CFAP157: variants seen among roughly 807,000 people sequenced by gnomAD.
CFAP157 encodes cilia- and flagella-associated protein 157.
In CFAP157, 43 loss-of-function variants were observed where a neutral mutation model predicts 57.8. The observed-to-expected ratio is 0.74, with a 90% confidence interval of 0.58 to 0.96. CFAP157 has a LOEUF of 0.96. Among genes scored for constraint, CFAP157 ranks in the 40% least tolerant of loss-of-function variants. The pLI is 0.00. For synonymous variants in CFAP157, 267 were observed against 269.0 expected (o/e 0.99, Z 0.07); for missense variants, 606 against 655.3 (o/e 0.92, Z 0.82).
rs1398153727 is a variant in CFAP157, at chr9:127,713,039, C to T, written c.1324C>T (p.Pro442Ser). 1 of 1,613,636 alleles carries T rather than the reference C, an allele frequency of 6.2e-7. No homozygotes were observed. The highest frequency in any genetic ancestry group is 1.7e-5 in the Admixed American group (1 of 59,986). The change falls in exon 8 of 9, where the codon CCC becomes TCC. Residue 442 changes from proline to serine, a missense_variant. Coordinates refer to ENST00000373295, the MANE Select transcript of CFAP157 (RefSeq NM_001012502.3). ...PKESRPSIQL[P>S]RTGSLLPQLS... ...CCACAGCCGGCCCAGCATCCAGCTG[C>T]CCAGGACTGGGTCTCTGCTGCCGCA... is the stretch of plus-strand genomic sequence containing the variant.
chr9:127,713,462 C>T, intron 8 of CFAP157: 1 of 472,230 alleles, frequency 2.1e-6, no homozygotes, highest in Non-Finnish European at 3.7e-6. Flanking sequence ...TGGGATCCCC[C>T]TGAAGAGGCC....
chr9:127,715,721 A>G lies in CFAP157; in HGVS notation c.*1816A>G, dbSNP rs1564372473. 2.6e-6 allele frequency: 4 copies of G among 1,552,236 alleles called. No homozygotes were observed. The highest frequency in any genetic ancestry group is 1.7e-4 in the Middle Eastern group (1 of 6,006). On this transcript the variant is annotated 3_prime_UTR_variant, in exon 9 of 9. Coordinates refer to ENST00000373295, the MANE Select transcript of CFAP157 (RefSeq NM_001012502.3). The surrounding 1 kb of genome is among the most constrained non-coding windows in gnomAD (Gnocchi z 5.8). ...TCGTGTTGCCAACTGTTTGGCGTCC[A>G]CCGCCAACGTCCAATCCGGGCCGGG...
intron 1 of CFAP157, among the ~76,000 whole-genome samples, chr9:127,707,774 G>A (rs79326634): frequency 1.1e-4 from 17 of 152,312 alleles, no homozygotes; most frequent in East Asian, 5.8e-4. Flanking sequence ...TCACCTGCCC[G>A]TCATTTTCTT....
At chr9:127,707,298 T>C (rs575781726) in intron 1 of CFAP157, 106 bp downstream of exon 1, 111 of 1,221,810 alleles carry the variant, frequency 9.1e-5, no homozygotes, top group Non-Finnish European at 1.2e-4. Context: ...TGTTCTGACC[T>C]CCCCTGGGAT....
At position 127,714,560 on chromosome 9, in the gene CFAP157, G is replaced by A; in HGVS notation, c.*655G>A. The A allele has an allele frequency of 6.3e-7, 1 of 1,599,586 alleles. No individual in the cohort carries two copies. Among genetic ancestry groups the A allele is most frequent in the Non-Finnish European group, 8.6e-7 (1 of 1,167,292 alleles). Reference sequence around the variant, plus strand: ...CAGCCCTACTCCACCCCAACTGGGAGGCCTGAAGCCCTATCCCAACCCTGA... The same window carrying A: ...CAGCCCTACTCCACCCCAACTGGGAAGCCTGAAGCCCTATCCCAACCCTGA... On this transcript the variant is annotated 3_prime_UTR_variant, in exon 9 of 9. Coordinates refer to ENST00000373295, the MANE Select transcript of CFAP157 (RefSeq NM_001012502.3).
chr9:127,712,285 A>G lies in CFAP157; in HGVS notation c.1073A>G (p.Lys358Arg). Reference protein sequence around the residue: ...RLQQELANEQKVRASLEAALV... With the variant: ...RLQQELANEQRVRASLEAALV... ...CAGCAGGAACTGGCTAATGAGCAGA[A>G]GGTTCGGGCCAGCCTGGAGGCGGCT... The change falls in exon 6 of 9, where the codon AAG becomes AGG. Residue 358 changes from lysine to arginine, a missense_variant. Coordinates refer to ENST00000373295, the MANE Select transcript of CFAP157 (RefSeq NM_001012502.3). 6.2e-7 allele frequency: 1 copy of G among 1,614,048 alleles called. No individual in the cohort carries two copies. Among genetic ancestry groups the G allele is most frequent in the Non-Finnish European group, 8.5e-7 (1 of 1,179,996 alleles).
rs774434087 is a variant in CFAP157, at chr9:127,712,698, C to T, written c.1138-11C>T. 3 of 1,614,012 alleles carry T rather than the reference C, an allele frequency of 1.9e-6. No individual in the cohort carries two copies. In the Admixed American group the frequency reaches 5.0e-5, roughly 27 times the overall value. ...ACTGTGGGCCTGCTGCCACCCCACC[C>T]TCACCAACAGATGCACCGCGATGAA... On this transcript the variant is annotated splice_polypyrimidine_tract_variant and intron_variant, in intron 6 of 8. Coordinates refer to ENST00000373295, the MANE Select transcript of CFAP157 (RefSeq NM_001012502.3).
In CFAP157 at chr9:127,715,404, A is replaced by C; in HGVS notation, c.*1499A>C. ...CCTAGTGCAGGAACGGAGCTTCAAG[A>C]AGTTTGGAGCCCGTCGAGCACTGAA... On this transcript the variant is annotated 3_prime_UTR_variant, in exon 9 of 9. Transcript: ENST00000373295. The surrounding 1 kb of genome is among the most constrained non-coding windows in gnomAD (Gnocchi z 5.8). 7.4e-7 allele frequency: 1 copy of C among 1,346,052 alleles called. No homozygotes were observed. Among genetic ancestry groups the C allele is most frequent in the Non-Finnish European group, 1.0e-6 (1 of 968,158 alleles). The allele number at this position is 1,346,052 out of a possible 1,614,324, so 83.4% of individuals were successfully genotyped here.
Position 127,715,069 on chromosome 9 carries a change from G to C in CFAP157, c.*1164G>C. On this transcript the variant is annotated 3_prime_UTR_variant, in exon 9 of 9. Transcript: ENST00000373295. The surrounding 1 kb of genome is among the most constrained non-coding windows in gnomAD (Gnocchi z 5.8). ...CCCCCAGCGGGGCCAGGGCGAGGTC[G>C]GCGGCACAGTGCCGGTCGCGCGTCC... 6.5e-7 allele frequency: 1 copy of C among 1,528,768 alleles called. No individual in the cohort carries two copies. The highest frequency in any genetic ancestry group is 1.2e-5 in the South Asian group (1 of 83,416). The allele number at this position is 1,528,768 out of a possible 1,614,324, so 94.7% of individuals were successfully genotyped here.
Position 127,711,575 on chromosome 9 carries a change from CA to C in CFAP157, c.855+80del, listed in dbSNP as rs1383519205. ...CCTGGGGGCCCTGCAGGGGTAGAGT[CA>C]GGGGCAGTCAAGTCAGGAGGGAGGG... On this transcript the variant is annotated intron_variant, in intron 4 of 8. Transcript: ENST00000373295. The C allele has an allele frequency of 3.3e-6, 5 of 1,527,604 alleles. No homozygotes were observed. In the African/African-American group the frequency reaches 6.9e-5, roughly 21 times the overall value. 94.6% of individuals were successfully genotyped at this position (1,527,604 alleles called of 1,614,324 possible). A position where few individuals can be genotyped will look rare whatever the true frequency, so the allele number is the denominator to read the frequency against.
chr9:127,714,247 C>T lies in CFAP157; in HGVS notation c.*342C>T, dbSNP rs779880867. On this transcript the variant is annotated 3_prime_UTR_variant, in exon 9 of 9. Transcript: ENST00000373295. ...GGGCCTGAACCGCCTCAGGGTGCGC[C>T]GGGCGCCCGATACCCACCCGCAGCC... 33 of 1,613,942 alleles carry T rather than the reference C, an allele frequency of 2.0e-5. No homozygotes were observed. The South Asian group carries it at 3.2e-4, about 16-fold the overall frequency.
At chr9:127,710,411 G>A (rs747905607) in intron 2 of CFAP157, among the ~76,000 whole-genome samples, 190 bp from the exon 3 acceptor site, 3 of 152,202 alleles carry the variant, frequency 2.0e-5, no homozygotes, top group Non-Finnish European at 4.4e-5. Context: ...GTGGAGGGAG[G>A]GCAACCCAGA....
In CFAP157 at chr9:127,715,750, C is replaced by T. The variant is rs1842963709; in HGVS notation, c.*1845C>T. ...CCAACGTCCAATCCGGGCCGGGCTA[C>T]GTGGCCGCCATGCTTCTGAGGGGCG... On this transcript the variant is annotated 3_prime_UTR_variant, in exon 9 of 9. Transcript: ENST00000373295. The surrounding 1 kb of genome is among the most constrained non-coding windows in gnomAD (Gnocchi z 5.8). The T allele has an allele frequency of 1.3e-6, 2 of 1,532,594 alleles. No individual in the cohort carries two copies. Among genetic ancestry groups the T allele is most frequent in the Admixed American group, 2.1e-5 (1 of 48,636 alleles). 94.9% of individuals were successfully genotyped at this position (1,532,594 alleles called of 1,614,324 possible). A position where few individuals can be genotyped will look rare whatever the true frequency, so the allele number is the denominator to read the frequency against.
chr9:127,711,738 A>G, intron 4 of CFAP157, 82 bp from the exon 5 acceptor site: 1 of 1,470,432 alleles, frequency 6.8e-7, no homozygotes, highest in Non-Finnish European at 9.2e-7. Flanking sequence ...CGCTCTGCAT[A>G]GGGGAACACG....
At chr9:127,708,940 G>A (rs1435261811) in intron 1 of CFAP157, among the ~76,000 whole-genome samples, 1 of 152,274 alleles carries the variant, frequency 6.6e-6, no homozygotes, top group African/African-American at 2.4e-5. Flanking sequence ...AGCAGGCATT[G>A]TGGCTAAGAG....
chr9:127,715,644 C>A lies in CFAP157; in HGVS notation c.*1739C>A. ...CAAAAAGCCGCCCGGCCTCATGCTGCCCCCATTCACTCCGACACCGCCCCC... is the reference window on the plus strand; with the variant it reads ...CAAAAAGCCGCCCGGCCTCATGCTGACCCCATTCACTCCGACACCGCCCCC... On this transcript the variant is annotated 3_prime_UTR_variant, in exon 9 of 9. Coordinates refer to ENST00000373295, the MANE Select transcript of CFAP157 (RefSeq NM_001012502.3). The surrounding 1 kb of genome is among the most constrained non-coding windows in gnomAD (Gnocchi z 5.8). The A allele has an allele frequency of 6.2e-7, 1 of 1,610,794 alleles. No individual in the cohort carries two copies. Among genetic ancestry groups the A allele is most frequent in the South Asian group, 1.1e-5 (1 of 90,964 alleles).
rs765405772 is a variant in CFAP157, at chr9:127,715,491, C to G, written c.*1586C>G. On this transcript the variant is annotated 3_prime_UTR_variant, in exon 9 of 9. Transcript: ENST00000373295. This position sits in a 1 kb window ranked among gnomAD's most constrained non-coding sequence, Gnocchi z 5.8. ...CACTCGGCTCCCGGGACATAATGGC[C>G]GAACTGAAGCTAGGGACCGGGAGCC... The G allele has an allele frequency of 5.0e-6, 8 of 1,611,322 alleles. No homozygotes were observed. The African/African-American group carries it at 1.1e-4, about 22-fold the overall frequency.
In CFAP157 at chr9:127,714,924, C is replaced by CCCACCCCCCCCCCCA; in HGVS notation, c.*1019_*1020insCCACCCCCCCCCCCA. On this transcript the variant is annotated 3_prime_UTR_variant, in exon 9 of 9. Transcript: ENST00000373295. ...GTGCTCCCCTCTGGCCCCCGCGCCCCAACCCCCACCCCCTTGGCCCGCCCG... is the reference window on the plus strand; with the variant it reads ...GTGCTCCCCTCTGGCCCCCGCGCCCCCCACCCCCCCCCCCAAACCCCCACCCCCTTGGCCCGCCCG... The CCCACCCCCCCCCCCA allele has an allele frequency of 3.6e-6, 3 of 828,386 alleles. No individual in the cohort carries two copies. Among genetic ancestry groups the CCCACCCCCCCCCCCA allele is most frequent in the African/African-American group, 1.7e-5 (1 of 57,934 alleles). The allele number at this position is 828,386 out of a possible 1,614,324, so 51.3% of individuals were successfully genotyped here.
Position 127,709,792 on chromosome 9 carries a change from G to T in CFAP157, c.433+99G>T. ...GAAACAGGGATAATAGCCACATGCT[G>T]CTTGGCACACACTGTCTTCCTTAAT... On this transcript the variant is annotated intron_variant, in intron 2 of 8. Transcript: ENST00000373295. This position sits in a 1 kb window ranked among gnomAD's most constrained non-coding sequence, Gnocchi z 4.7. 1 of 1,301,268 alleles carries T rather than the reference G, an allele frequency of 7.7e-7. No individual in the cohort carries two copies. The highest frequency in any genetic ancestry group is 1.4e-5 in the South Asian group (1 of 69,114). The allele number at this position is 1,301,268 out of a possible 1,614,324, so 80.6% of individuals were successfully genotyped here. A position where few individuals can be genotyped will look rare whatever the true frequency, so the allele number is the denominator to read the frequency against.
Sources: allele counts gnomAD v4.1 joint callset (sites outside exome capture counted in the v4.1 genomes callset), GRCh38; gene constraint gnomAD v4.1.1; non-coding constraint Gnocchi (gnomAD v3.1); transcripts MANE v1.5; gene names NCBI Gene and HGNC (gene_info 2026-07-23, HGNC 2026-07-21).